The following CAMSAP1 variants were observed in gnomAD, a reference collection of about 807,000 sequenced individuals.
The protein encoded by CAMSAP1 is calmodulin-regulated spectrin-associated protein 1.
CAMSAP1 carries 58 observed loss-of-function variants against 143.5 expected under a neutral mutation model. The ratio of observed to expected loss-of-function variants is 0.40; its 90% CI spans 0.33 to 0.50. The LOEUF (loss-of-function observed/expected upper bound fraction) is 0.50. Ranked by LOEUF, CAMSAP1 falls within the 20% of genes least tolerant of loss-of-function variation. CAMSAP1 has a pLI of 0.45. For missense variants in CAMSAP1, 1,969 were observed against 2,115.7 expected, an observed-to-expected ratio of 0.93 and a Z score of 1.36; for synonymous variants, 945 against 859.3, an observed-to-expected ratio of 1.10 and a Z score of -1.74.
chr9:135,876,835 C>T (rs554245254), intron 3 of CAMSAP1, among the ~76,000 whole-genome samples: 1 of 151,996 alleles, frequency 6.6e-6, no homozygotes, highest in Admixed American at 6.6e-5. Context: ...ATGATGAAAC[C>T]CCGTCCCTAC....
rs913407910 is a variant in CAMSAP1, at chr9:135,823,277, G to A, written c.1401-17C>T. 2 of 1,534,306 alleles carry A rather than the reference G, an allele frequency of 1.3e-6. No homozygotes were observed. The highest frequency in any genetic ancestry group is 1.4e-5 in the African/African-American group (1 of 72,482). ...GACGCAGGCCTGAAACACAGGGAAG[G>A]CCCACTGGGTGCGCTGCGGTATACA... On this transcript the variant is annotated splice_polypyrimidine_tract_variant and intron_variant, in intron 10 of 16. Coordinates refer to ENST00000389532, the MANE Select transcript of CAMSAP1 (RefSeq NM_015447.4).
chr9:135,888,332 C>T (rs920172392), intron 1 of CAMSAP1, among the ~76,000 whole-genome samples: 1 of 152,202 alleles, frequency 6.6e-6, no homozygotes, highest in African/African-American at 2.4e-5. Flanking sequence ...GCAGCCCTCC[C>T]GCGGCACCTG....
At chr9:135,855,836 A>G (rs1836941304) in intron 5 of CAMSAP1, among the ~76,000 whole-genome samples, 1 of 151,816 alleles carries the variant, frequency 6.6e-6, no homozygotes, top group African/African-American at 2.4e-5. Flanking sequence ...GCGGATCACA[A>G]GGTCAGGAGA....
rs1052242810 is a variant in CAMSAP1 at position 135,907,448 on chromosome 9, G to C, written c.-289C>G. Among the ~76,000 whole-genome samples, 1 of 146,050 alleles carries C rather than the reference G, an allele frequency of 6.8e-6. No individual in the cohort carries two copies. Among genetic ancestry groups the C allele is most frequent in the Admixed American group, 6.8e-5 (1 of 14,714 alleles). ...GGGGCGGGGGCGGGCGCGGGGGCGG[G>C]AGCGGGCCGGGGGCGGTGGCAGCGC... On this transcript the variant is annotated 5_prime_UTR_variant, in exon 1 of 17. Coordinates refer to ENST00000389532, the MANE Select transcript of CAMSAP1 (RefSeq NM_015447.4).
Position 135,811,429 on chromosome 9 carries a change from T to C in CAMSAP1, c.4689A>G (p.Lys1563=). ...TTTTGGCTGGGATCAAGTTAAACTG[T>C]TTTCGGTCTGAGCTGTATTTATACA... The part of the protein sequence containing the change: ...DKLYKYSSDR[K]QFNLIPAKTM... Residue 1563 remains lysine (K), a synonymous_variant, in exon 17 of 17, where the codon AAA becomes AAG. Transcript: ENST00000389532. This position sits in a 1 kb window ranked among gnomAD's most constrained non-coding sequence, Gnocchi z 4.9. The C allele has an allele frequency of 1.2e-6, 2 of 1,612,738 alleles. No individual in the cohort carries two copies. The highest frequency in any genetic ancestry group is 1.7e-6 in the Non-Finnish European group (2 of 1,179,286).
At position 135,850,255 on chromosome 9, in the gene CAMSAP1, C is replaced by A. The variant is rs376168989; in HGVS notation, c.949-22G>T. The stretch of plus-strand genomic sequence containing the variant: ...TCGGCTAAAAGACAAAAACAAAAAA[C>A]CAAAGTATGATAAGCAGTTTATTCA... On this transcript the variant is annotated intron_variant, in intron 6 of 16. Coordinates refer to ENST00000389532, the MANE Select transcript of CAMSAP1 (RefSeq NM_015447.4). 2.1e-4 allele frequency: 346 copies of A among 1,612,718 alleles called. 1 individual carries two copies. The African/African-American group carries it at 4.2e-3, about 20-fold the overall frequency.
At chr9:135,887,479 G>A (rs887879274) in intron 1 of CAMSAP1, among the ~76,000 whole-genome samples, 1 of 152,192 alleles carries the variant, frequency 6.6e-6, no homozygotes, top group Non-Finnish European at 1.5e-5. Context: ...AGATGTGTCT[G>A]CTTTAAGGAT....
At position 135,811,173 on chromosome 9, in the gene CAMSAP1, G is replaced by A. The variant is rs1835037134; in HGVS notation, c.*136C>T. On this transcript the variant is annotated 3_prime_UTR_variant, in exon 17 of 17. Coordinates refer to ENST00000389532, the MANE Select transcript of CAMSAP1 (RefSeq NM_015447.4). The surrounding 1 kb of genome is among the most constrained non-coding windows in gnomAD (Gnocchi z 4.9). ...GCTGTCTAGAAACCTCTTTGCAAAA[G>A]GTCTGTGACTTTGCACACTTCGTAC... 2 of 1,007,458 alleles carry A rather than the reference G, an allele frequency of 2.0e-6. No individual in the cohort carries two copies. The highest frequency in any genetic ancestry group is 2.8e-5 in the Admixed American group (1 of 35,194). The allele number at this position is 1,007,458 out of a possible 1,614,324, so 62.4% of individuals were successfully genotyped here.
chr9:135,830,407 G>A (rs1835819780), intron 7 of CAMSAP1, among the ~76,000 whole-genome samples: 1 of 152,170 alleles, frequency 6.6e-6, no homozygotes, highest in African/African-American at 2.4e-5. Context: ...AAGAAAGCAG[G>A]CATGGCTATA....
chr9:135,818,467 G>A lies in CAMSAP1; in HGVS notation c.4109C>T (p.Pro1370Leu), dbSNP rs756167766. The part of the protein sequence containing the change: ...KPKSKPKKPR[P>L]KSVHREESCS... The stretch of plus-strand genomic sequence containing the variant: ...CGACTCTTCCCGGTGCACCGACTTC[G>A]GCCGCGGCTTCTTCGGCTTTGACTT... The change falls in exon 13 of 17, where the codon CCG becomes CTG. Residue 1370 changes from proline (P) to leucine (L), a missense_variant. By Grantham distance (98) the Pro-to-Leu change is moderately conservative. Transcript: ENST00000389532. The surrounding 1 kb of genome is among the most constrained non-coding windows in gnomAD (Gnocchi z 7.7). 3.1e-6 allele frequency: 5 copies of A among 1,605,456 alleles called. No homozygotes were observed. Among genetic ancestry groups the A allele is most frequent in the African/African-American group, 1.3e-5 (1 of 74,974 alleles).
At chr9:135,849,321 A>G (rs1836687047) in intron 7 of CAMSAP1, among the ~76,000 whole-genome samples, 1 of 152,230 alleles carries the variant, frequency 6.6e-6, no homozygotes, top group South Asian at 2.1e-4. Flanking sequence ...GGCACAGGAA[A>G]CACGGTTTCC....
intron 3 of CAMSAP1, among the ~76,000 whole-genome samples, chr9:135,877,167 G>C (rs1439845667): frequency 6.6e-6 from 1 of 152,034 alleles, no homozygotes; most frequent in Non-Finnish European, 1.5e-5. Context: ...AGCACCGACA[G>C]AACTTCTGAC....
chr9:135,864,665 T>C (rs1837311803), intron 4 of CAMSAP1, among the ~76,000 whole-genome samples: 2 of 152,180 alleles, frequency 1.3e-5, no homozygotes, highest in Non-Finnish European at 1.5e-5. Context: ...ACAACTAGGG[T>C]TGGAAAACCA....
chr9:135,871,836 C>G lies in CAMSAP1; in HGVS notation c.586-5300G>C, dbSNP rs1056094723. On this transcript the variant is annotated intron_variant, in intron 3 of 16. Coordinates refer to ENST00000389532, the MANE Select transcript of CAMSAP1 (RefSeq NM_015447.4). ...AAGAGGTCCTGGCCAGGCGTGGTGG[C>G]TCACGCCTGTAATCCCAGCACTTTA... Among the ~76,000 whole-genome samples, 7 of 152,054 alleles carry G rather than the reference C, an allele frequency of 4.6e-5. No homozygotes were observed. In the South Asian group the frequency reaches 6.2e-4, roughly 14 times the overall value.
intron 3 of CAMSAP1, among the ~76,000 whole-genome samples, chr9:135,869,335 T>C (rs192150618): frequency 6.6e-6 from 1 of 151,826 alleles, no homozygotes; most frequent in Non-Finnish European, 1.5e-5. Context: ...AAACCCTGTC[T>C]CTACAAAAAA....
chr9:135,881,357 C>CAAAA (rs757023319), intron 3 of CAMSAP1, among the ~76,000 whole-genome samples: 1 of 114,646 alleles, frequency 8.7e-6, no homozygotes, highest in Non-Finnish European at 1.9e-5. Context: ...GACCCTGTCT[C>CAAAA]AAAAAAAAAA....
chr9:135,856,315 G>T (rs1343457463), intron 5 of CAMSAP1, among the ~76,000 whole-genome samples: 2 of 152,072 alleles, frequency 1.3e-5, no homozygotes, highest in Non-Finnish European at 2.9e-5. Flanking sequence ...AAGCTAAATG[G>T]GTTTCCCCTT....
intron 5 of CAMSAP1, among the ~76,000 whole-genome samples, chr9:135,853,127 A>G (rs1044064109): frequency 6.6e-6 from 1 of 152,200 alleles, no homozygotes; most frequent in Non-Finnish European, 1.5e-5. Flanking sequence ...GGAGTCACCA[A>G]TACGGAGATG....
intron 1 of CAMSAP1, among the ~76,000 whole-genome samples, chr9:135,885,229 C>T (rs1482191546): frequency 6.6e-6 from 1 of 152,224 alleles, no homozygotes; most frequent in Non-Finnish European, 1.5e-5. Context: ...AATTCAGTCT[C>T]ATGGCTAGAA....
Sources: gnomAD v4.1 joint callset for allele counts (sites outside exome capture counted in the v4.1 genomes callset) on GRCh38, gnomAD v4.1.1 for gene constraint, Gnocchi (gnomAD v3.1) non-coding constraint, MANE v1.5 for transcripts, NCBI Gene and HGNC (gene_info 2026-07-23, HGNC 2026-07-21) for gene names.